CLVS1: variants seen among roughly 807,000 people sequenced by gnomAD.
CLVS1 encodes the protein clavesin-1.
A neutral mutation model predicts 33.1 loss-of-function variants in CLVS1; 10 were observed. The observed-to-expected ratio is 0.30, with a 90% CI of 0.19 to 0.51. CLVS1 has a LOEUF of 0.51. CLVS1 is among the 20% of genes least tolerant of loss of function. The pLI is 0.97. For missense variants in CLVS1, 343 were observed against 433.4 expected, an observed-to-expected ratio of 0.79 and a Z score of 1.85; for synonymous variants, 163 against 166.1, an observed-to-expected ratio of 0.98 and a Z score of 0.14.
chr8:61,074,394 A>ATGT (rs1563392871), intron 1 of CLVS1, among the ~76,000 whole-genome samples: 2 of 109,110 alleles, frequency 1.8e-5, no homozygotes, highest in African/African-American at 1.7e-4. Flanking sequence ...GTGTATATAT[A>ATGT]TATGTTATAT....
At chr8:61,254,363 G>A (rs796927884) in intron 2 of CLVS1, among the ~76,000 whole-genome samples, 1 of 152,014 alleles carries the variant, frequency 6.6e-6, no homozygotes, top group Non-Finnish European at 1.5e-5. Context: ...GCTACTCAGG[G>A]GTCAGGGACC....
At chr8:61,456,843 G>C (rs1187937747) in intron 4 of CLVS1, among the ~76,000 whole-genome samples, 2 of 151,504 alleles carry the variant, frequency 1.3e-5, no homozygotes, top group Non-Finnish European at 2.9e-5. Context: ...GCATGAACCT[G>C]GGAGGGGGAG....
At chr8:61,458,277 A>G (rs1195015781) in intron 4 of CLVS1, 30 bp from the exon 5 acceptor site, 5 of 1,517,444 alleles carry the variant, frequency 3.3e-6, no homozygotes, top group Admixed American at 1.7e-5. Flanking sequence ...TGGATTTTGT[A>G]TTGCTAATTA....
At chr8:61,049,986 G>A in the CLVS1 span, among the ~76,000 whole-genome samples, 4 of 152,192 alleles carry the variant, frequency 2.6e-5, 1 homozygote, top group Non-Finnish European at 5.9e-5. Flanking sequence ...TAATGTATAC[G>A]GTGCTCTCTG....
intron 5 of CLVS1, among the ~76,000 whole-genome samples, chr8:61,479,231 A>G (rs1818083147): frequency 6.6e-6 from 1 of 152,088 alleles, no homozygotes; most frequent in Admixed American, 6.6e-5. Context: ...TCAGATGTAG[A>G]TTTGGTCTTT....
intron 2 of CLVS1, among the ~76,000 whole-genome samples, chr8:61,361,858 T>C (rs1812993694): frequency 6.6e-6 from 1 of 152,120 alleles, no homozygotes; most frequent in Non-Finnish European, 1.5e-5. Context: ...CTCAAGTGTG[T>C]TGCAATAGGA....
At chr8:61,239,460 T>C (rs10110058) in intron 2 of CLVS1, among the ~76,000 whole-genome samples, 3,515 of 152,270 alleles carry the variant, frequency 0.023, 145 homozygotes, top group African/African-American at 0.08. Context: ...TAACCAGGTG[T>C]GGTGGCTCAC....
intron 2 of CLVS1, among the ~76,000 whole-genome samples, chr8:61,257,574 T>C (rs1197352829): frequency 6.6e-6 from 1 of 152,182 alleles, no homozygotes; most frequent in Non-Finnish European, 1.5e-5. Context: ...GAGCAAAGGC[T>C]GAAAAACCAG....
At chr8:61,162,584 T>G (rs111321122) in intron 2 of CLVS1, among the ~76,000 whole-genome samples, 5,227 of 152,344 alleles carry the variant, frequency 0.034, 99 homozygotes, top group Middle Eastern at 0.041. Flanking sequence ...CCTATCAAAA[T>G]TTAGATTAAT....
the CLVS1 span, chr8:60,965,169 A>G: frequency 6.6e-6 from 1 of 152,188 alleles, no homozygotes; most frequent in Non-Finnish European, 1.5e-5. Context: ...AGCTGCTTCT[A>G]TTGTGCGTGC....
chr8:61,484,288 G>A (rs997564404), intron 5 of CLVS1, among the ~76,000 whole-genome samples: 2 of 151,912 alleles, frequency 1.3e-5, no homozygotes, highest in Admixed American at 6.6e-5. Flanking sequence ...AAGCATTCCT[G>A]TACACCAATA....
At chr8:61,244,084 T>C (rs771463081) in intron 2 of CLVS1, among the ~76,000 whole-genome samples, 5 of 152,106 alleles carry the variant, frequency 3.3e-5, no homozygotes, top group Non-Finnish European at 7.4e-5. Context: ...AGGGCAAACA[T>C]CCCAGCTGAG....
chr8:60,978,290 T>C, the CLVS1 span, among the ~76,000 whole-genome samples: 2 of 152,262 alleles, frequency 1.3e-5, no homozygotes, highest in Admixed American at 1.3e-4. Context: ...GTATGTATCT[T>C]CTTTTCTTTT....
At chr8:61,175,750 C>T (rs1034743339) in intron 2 of CLVS1, among the ~76,000 whole-genome samples, 1 of 152,174 alleles carries the variant, frequency 6.6e-6, no homozygotes, top group African/African-American at 2.4e-5. Flanking sequence ...ATCCCCTAGA[C>T]CCTAAGAGGG....
rs200991266 is a variant in CLVS1 at position 61,250,675 on chromosome 8, AGC to A, written c.-151-49001_-151-49000del. On this transcript the variant is annotated intron_variant, in intron 2 of 2. Transcript: ENST00000522621. ...TTCCTAGGTATTTTATTCTCTTAAT[AGC>A]AATTGTGAATGGGAATTCACTCATG... 6.8e-3 allele frequency among the ~76,000 whole-genome samples: 1,038 copies of A among 152,278 alleles called. 26 individuals are homozygous for A. The highest frequency in any genetic ancestry group is 0.059 in the East Asian group (304 of 5,176).
At chr8:61,285,598 C>T (rs992720954), upstream of CLVS1, among the ~76,000 whole-genome samples, 11 of 152,178 alleles carry the variant, frequency 7.2e-5, no homozygotes, top group Admixed American at 3.9e-4. Context: ...GCTCCTGGCA[C>T]GCCCAACTCA....
At chr8:61,470,814 A>T (rs950581303) in intron 5 of CLVS1, among the ~76,000 whole-genome samples, 1 of 152,378 alleles carries the variant, frequency 6.6e-6, no homozygotes, top group African/African-American at 2.4e-5. Flanking sequence ...TGTAGATATC[A>T]GCTGAGCTTA....
chr8:60,986,330 A>T, the CLVS1 span, among the ~76,000 whole-genome samples: 3 of 152,264 alleles, frequency 2.0e-5, no homozygotes, highest in African/African-American at 7.2e-5. Flanking sequence ...AACAAAGTGA[A>T]GAATCTTGAA....
intron 3 of CLVS1, among the ~76,000 whole-genome samples, chr8:61,425,431 TAA>T: frequency 6.6e-6 from 1 of 152,052 alleles, no homozygotes; most frequent in Admixed American, 6.5e-5. Flanking sequence ...GTGATTTTTT[TAA>T]AAAAAATAAG....
Sources: allele counts gnomAD v4.1 joint callset (sites outside exome capture counted in the v4.1 genomes callset), GRCh38; gene constraint gnomAD v4.1.1; transcripts MANE v1.5; gene names NCBI Gene and HGNC (gene_info 2026-07-23, HGNC 2026-07-21).